Variants in CDH13 observed in about 807,000 individuals in gnomAD.
The protein encoded by CDH13 is cadherin 13, also known as cadherin-13.
Under a neutral mutation model 63.8 loss-of-function variants are expected in CDH13, and 24 were observed. The observed-to-expected ratio is 0.38, with a 90% CI of 0.27 to 0.53. The LOEUF (loss-of-function observed/expected upper bound fraction) is 0.53, where lower values mean the gene tolerates loss of function less well. Among genes scored for constraint, CDH13 ranks in the 20% least tolerant of loss-of-function variants. CDH13 has a pLI of 0.85. For missense variants in CDH13, 1,049 were observed against 903.1 expected (o/e 1.16, Z -2.07); for synonymous variants, 503 against 355.3 (o/e 1.42, Z -4.67).
At chr16:82,896,086 A>G (rs1052494442) in intron 2 of CDH13, among the ~76,000 whole-genome samples, 1 of 151,998 alleles carries the variant, frequency 6.6e-6, no homozygotes, top group East Asian at 1.9e-4. Flanking sequence ...TGTTTATATA[A>G]TATTTCACAA....
intron 6 of CDH13, among the ~76,000 whole-genome samples, chr16:83,348,446 A>C (rs1307134789): frequency 1.3e-5 from 2 of 152,196 alleles, no homozygotes; most frequent in African/African-American, 4.8e-5. Context: ...TTCTGAGCCT[A>C]CATAACCAAA....
intron 7 of CDH13, among the ~76,000 whole-genome samples, chr16:83,587,546 T>A (rs912925597): frequency 6.6e-6 from 1 of 152,188 alleles, no homozygotes; most frequent in Non-Finnish European, 1.5e-5. Context: ...AAGCATTACC[T>A]TCTGCTGCGT....
chr16:83,396,062 G>A (rs1175075249), intron 6 of CDH13, among the ~76,000 whole-genome samples: 3 of 152,156 alleles, frequency 2.0e-5, no homozygotes, highest in Non-Finnish European at 2.9e-5. Context: ...TTCTGTTCCT[G>A]TGTTAGTTTG....
chr16:82,765,502 A>G (rs1462045), intron 1 of CDH13, among the ~76,000 whole-genome samples: 18,873 of 152,152 alleles, frequency 0.12, 2,424 homozygotes, highest in African/African-American at 0.33. Context: ...GCTCCCCACC[A>G]ACCACCCCGT....
intron 7 of CDH13, among the ~76,000 whole-genome samples, chr16:83,495,268 G>C (rs999220663): frequency 1.3e-5 from 2 of 152,176 alleles, no homozygotes; most frequent in African/African-American, 4.8e-5. Flanking sequence ...GTTCGGTCTG[G>C]AAAGGCAGGA....
chr16:83,592,062 T>C (rs1906811905), intron 7 of CDH13, among the ~76,000 whole-genome samples: 1 of 152,194 alleles, frequency 6.6e-6, no homozygotes, highest in African/African-American at 2.4e-5. Context: ...AACTGTCCCC[T>C]CCTTTGTAAT....
chr16:83,673,634 T>C (rs1914706649), intron 9 of CDH13, among the ~76,000 whole-genome samples: 1 of 152,296 alleles, frequency 6.6e-6, no homozygotes, highest in South Asian at 2.1e-4. Context: ...GCCATTCTCC[T>C]CTCCCTACAT....
At chr16:82,947,830 A>G (rs1432799780) in intron 2 of CDH13, among the ~76,000 whole-genome samples, 2 of 151,942 alleles carry the variant, frequency 1.3e-5, no homozygotes, top group African/African-American at 2.4e-5. Flanking sequence ...AACTGCTGAA[A>G]GTAGTATTTA....
At chr16:83,500,264 C>CT (rs1291098371) in intron 7 of CDH13, among the ~76,000 whole-genome samples, 1 of 3,056 alleles carries the variant, frequency 3.3e-4, no homozygotes, top group African/African-American at 4.2e-4. Context: ...TCTTCTTCTT[C>CT]TTCTTCTTCT....
intron 1 of CDH13, among the ~76,000 whole-genome samples, chr16:82,667,879 C>A (rs1406729455): frequency 6.6e-6 from 1 of 152,146 alleles, no homozygotes; most frequent in African/African-American, 2.4e-5. Flanking sequence ...GCTCCAGTTT[C>A]AAAGCTGTCT....
At chr16:83,308,618 T>C (rs539249740) in intron 5 of CDH13, among the ~76,000 whole-genome samples, 1 of 152,336 alleles carries the variant, frequency 6.6e-6, no homozygotes, top group South Asian at 2.1e-4. Context: ...GCCTGGGTGA[T>C]TTATGGCACA....
At chr16:83,061,853 C>A (rs1303663616) in intron 3 of CDH13, among the ~76,000 whole-genome samples, 1 of 152,180 alleles carries the variant, frequency 6.6e-6, no homozygotes, top group Admixed American at 6.5e-5. Flanking sequence ...CAATGCCTGC[C>A]TTAATGCCCC....
chr16:82,657,652 C>G (rs902291898), intron 1 of CDH13, among the ~76,000 whole-genome samples: 1 of 152,102 alleles, frequency 6.6e-6, no homozygotes, highest in African/African-American at 2.4e-5. Flanking sequence ...ACACAGTTTG[C>G]TAGATTTATA....
intron 5 of CDH13, among the ~76,000 whole-genome samples, chr16:83,251,785 A>T (rs1238345885): frequency 2.6e-5 from 4 of 152,186 alleles, no homozygotes; most frequent in Non-Finnish European, 5.9e-5. Flanking sequence ...TTGTGCCATC[A>T]GGCAACCCAA....
chr16:83,351,978 T>G (rs2090960448), intron 6 of CDH13, among the ~76,000 whole-genome samples: 1 of 152,224 alleles, frequency 6.6e-6, no homozygotes, highest in Non-Finnish European at 1.5e-5. Flanking sequence ...GTGGATGGCC[T>G]TGCTATGGAA....
chr16:83,378,460 A>T (rs892342803), intron 6 of CDH13, among the ~76,000 whole-genome samples: 1 of 152,176 alleles, frequency 6.6e-6, no homozygotes, highest in African/African-American at 2.4e-5. Context: ...TGCAACGATA[A>T]TATATGTGAC....
At chr16:83,705,958 T>C (rs996429452) in intron 10 of CDH13, among the ~76,000 whole-genome samples, 1 of 152,184 alleles carries the variant, frequency 6.6e-6, no homozygotes, top group Non-Finnish European at 1.5e-5. Flanking sequence ...CCCCCATTCA[T>C]GCATAACAAA....
At chr16:83,009,631 C>T (rs1913913367) in intron 2 of CDH13, among the ~76,000 whole-genome samples, 1 of 152,154 alleles carries the variant, frequency 6.6e-6, no homozygotes, top group South Asian at 2.1e-4. Context: ...ATTCTCTCTG[C>T]ATATTTAATA....
chr16:83,731,144 T>C (rs910665138), intron 10 of CDH13, among the ~76,000 whole-genome samples: 1 of 152,230 alleles, frequency 6.6e-6, no homozygotes, highest in African/African-American at 2.4e-5. Flanking sequence ...TGTGTCTTTT[T>C]GGCAAAACAA....
Sources: allele counts gnomAD v4.1 joint callset (sites outside exome capture counted in the v4.1 genomes callset), GRCh38; gene constraint gnomAD v4.1.1; transcripts MANE v1.5; gene names NCBI Gene and HGNC (gene_info 2026-07-23, HGNC 2026-07-21).